Variants in KCNJ4 observed in about 807,000 individuals in gnomAD.
The protein encoded by KCNJ4 is potassium inwardly rectifying channel subfamily J member 4.
Under a neutral mutation model 25.6 loss-of-function variants are expected in KCNJ4, and 3 were observed. The observed-to-expected ratio is 0.12, with a 90% CI of 0.05 to 0.30. The LOEUF is 0.30. KCNJ4 is among the 10% of genes least tolerant of loss of function. The probability of loss-of-function intolerance (pLI) is 1.00; values close to 1 mark genes in which losing one functional copy is unlikely to be tolerated. For missense variants in KCNJ4, 286 were observed against 666.8 expected (o/e 0.43, Z 6.29); for synonymous variants, 257 against 283.9 (o/e 0.91, Z 0.95).
chr22:38,433,411 A>G (rs2093056067), intron 1 of KCNJ4, among the ~76,000 whole-genome samples: 1 of 152,178 alleles, frequency 6.6e-6, no homozygotes, highest in South Asian at 2.1e-4. Context: ...GTGTCATTGC[A>G]CTCCAGCCTG....
At chr22:38,447,542 T>C (rs957706127) in intron 1 of KCNJ4, among the ~76,000 whole-genome samples, 4 of 152,052 alleles carry the variant, frequency 2.6e-5, no homozygotes, top group African/African-American at 9.6e-5. Context: ...GGGCAGAGGG[T>C]CCTGGGCTTC....
intron 1 of KCNJ4, among the ~76,000 whole-genome samples, chr22:38,430,589 T>C (rs1213115297): frequency 6.6e-6 from 1 of 152,146 alleles, no homozygotes; most frequent in Non-Finnish European, 1.5e-5. Flanking sequence ...TCTAACGTAA[T>C]GCTGGCCCTT....
At chr22:38,447,271 G>T (rs1408959519) in intron 1 of KCNJ4, among the ~76,000 whole-genome samples, 3 of 152,196 alleles carry the variant, frequency 2.0e-5, no homozygotes. Context: ...AGACACGAGT[G>T]GGCTTCCCCG....
intron 1 of KCNJ4, among the ~76,000 whole-genome samples, chr22:38,452,100 G>A (rs2089413355): frequency 6.6e-6 from 1 of 152,192 alleles, no homozygotes; most frequent in Admixed American, 6.5e-5. Flanking sequence ...AGGCATTGAA[G>A]CCAATTGCTC....
intron 1 of KCNJ4, among the ~76,000 whole-genome samples, chr22:38,454,622 C>T (rs1023538778): frequency 6.6e-6 from 1 of 152,304 alleles, no homozygotes; most frequent in African/African-American, 2.4e-5. Flanking sequence ...CATCCCCCAC[C>T]TTGCCACAAG....
intron 1 of KCNJ4, among the ~76,000 whole-genome samples, chr22:38,446,997 C>T (rs991790147): frequency 2.0e-5 from 3 of 150,966 alleles, no homozygotes; most frequent in African/African-American, 7.4e-5. Flanking sequence ...CCCACCCTTA[C>T]GGGGCAGGGG....
intron 1 of KCNJ4, among the ~76,000 whole-genome samples, chr22:38,446,966 A>G (rs977444111): frequency 6.6e-6 from 1 of 151,916 alleles, no homozygotes; most frequent in African/African-American, 2.4e-5. Flanking sequence ...AAAAAAAAAA[A>G]AAAAGAAACA....
chr22:38,451,565 A>T (rs2089410476), intron 1 of KCNJ4, among the ~76,000 whole-genome samples: 3 of 152,204 alleles, frequency 2.0e-5, no homozygotes, highest in African/African-American at 4.8e-5. Context: ...CCGAATTCAG[A>T]GCTGGGCCCT....
intron 1 of KCNJ4, among the ~76,000 whole-genome samples, chr22:38,450,545 C>T (rs530775943): frequency 6.6e-6 from 1 of 152,298 alleles, no homozygotes; most frequent in South Asian, 2.1e-4. Flanking sequence ...CTCCTGCAGC[C>T]CTAGCTTGGA....
At chr22:38,435,340 G>A (rs1380109592) in intron 1 of KCNJ4, among the ~76,000 whole-genome samples, 1 of 152,224 alleles carries the variant, frequency 6.6e-6, no homozygotes, top group East Asian at 1.9e-4. Context: ...ACGCAGCCCA[G>A]GGCATAGCTC....
intron 1 of KCNJ4, among the ~76,000 whole-genome samples, chr22:38,431,951 GTT>G (rs111418413): frequency 6.9e-6 from 1 of 145,420 alleles, no homozygotes. Flanking sequence ...GACTAGAGAT[GTT>G]TTTTTTTTTT....
At chr22:38,431,703 G>A (rs77316500) in intron 1 of KCNJ4, among the ~76,000 whole-genome samples, 2,467 of 152,304 alleles carry the variant, frequency 0.016, 79 homozygotes, top group African/African-American at 0.056. Context: ...ATAAGAGCAC[G>A]CTGCTGCCAC....
At chr22:38,441,799 T>A (rs2089336493) in intron 1 of KCNJ4, among the ~76,000 whole-genome samples, 1 of 152,256 alleles carries the variant, frequency 6.6e-6, no homozygotes, top group South Asian at 2.1e-4. Flanking sequence ...ACGTGGGGAA[T>A]GAGCAGCCTT....
Position 38,426,670 on chromosome 22 carries a change from C to T in KCNJ4, c.*125G>A. 1.6e-6 allele frequency: 2 copies of T among 1,251,104 alleles called. No homozygotes were observed. Among genetic ancestry groups the T allele is most frequent in the South Asian group, 2.9e-5 (2 of 67,974 alleles). 77.5% of individuals were successfully genotyped at this position (1,251,104 alleles called of 1,614,324 possible). ...AAGGGGTCCCCCAGTCTTTGAAACCCCCACCTTCCTCCAGAAGGTCCACGG... is the reference window on the plus strand; with the variant it reads ...AAGGGGTCCCCCAGTCTTTGAAACCTCCACCTTCCTCCAGAAGGTCCACGG... On this transcript the variant is annotated 3_prime_UTR_variant, in exon 2 of 2. Transcript: ENST00000303592.
chr22:38,454,690 T>C (rs960403167), intron 1 of KCNJ4, among the ~76,000 whole-genome samples: 1 of 151,920 alleles, frequency 6.6e-6, no homozygotes, highest in Non-Finnish European at 1.5e-5. Context: ...CAGGGAAAGG[T>C]CATGGCTGGG....
chr22:38,450,744 C>T (rs2089405762), intron 1 of KCNJ4, among the ~76,000 whole-genome samples: 1 of 152,164 alleles, frequency 6.6e-6, no homozygotes, highest in African/African-American at 2.4e-5. Flanking sequence ...CCTCAGTCTT[C>T]CCATCTATGA....
chr22:38,448,351 C>A (rs948595781), intron 1 of KCNJ4, among the ~76,000 whole-genome samples: 5 of 152,088 alleles, frequency 3.3e-5, no homozygotes, highest in Non-Finnish European at 7.4e-5. Context: ...TGAGCACGCC[C>A]CACCATCCCC....
At chr22:38,441,752 C>T (rs1027341535) in intron 1 of KCNJ4, among the ~76,000 whole-genome samples, 7 of 152,182 alleles carry the variant, frequency 4.6e-5, no homozygotes, top group Non-Finnish European at 8.8e-5. Flanking sequence ...CCTGTGACGC[C>T]TCCTGGGCCC....
intron 1 of KCNJ4, among the ~76,000 whole-genome samples, chr22:38,453,029 GC>G (rs2089419528): frequency 1.3e-5 from 1 of 79,068 alleles, no homozygotes; most frequent in Non-Finnish European, 2.5e-5. Flanking sequence ...CTTAGCACTC[GC>G]CCCCGCCTCC....
Sources: gnomAD v4.1 joint callset for allele counts (sites outside exome capture counted in the v4.1 genomes callset) on GRCh38, gnomAD v4.1.1 for gene constraint, MANE v1.5 for transcripts, NCBI Gene and HGNC (gene_info 2026-07-23, HGNC 2026-07-21) for gene names.